The following MMS19 variants were observed in gnomAD, a reference collection of about 807,000 sequenced individuals.
The protein encoded by MMS19 is MMS19 nucleotide excision repair protein homolog.
Under a neutral mutation model 129.8 loss-of-function variants are expected in MMS19, and 77 were observed. The observed-to-expected ratio is 0.59, with a 90% CI of 0.49 to 0.72. The LOEUF (loss-of-function observed/expected upper bound fraction) is 0.72, where lower values mean the gene tolerates loss of function less well. Ranked by LOEUF, MMS19 falls within the 30% of genes least tolerant of loss-of-function variation. The pLI is 0.00. For missense variants in MMS19, 1,168 were observed against 1,266.3 expected (o/e 0.92, Z 1.18); for synonymous variants, 491 against 502.8 (o/e 0.98, Z 0.31).
At chr10:97,467,793 A>G (rs1323987285) in intron 13 of MMS19, among the ~76,000 whole-genome samples, 7 of 151,300 alleles carry the variant, frequency 4.6e-5, no homozygotes, top group Non-Finnish European at 8.8e-5. Flanking sequence ...CCTCTTGAGT[A>G]GCTGGGACTA....
chr10:97,483,798 A>AATCAACAACAGCTGATGGCC (rs1195677258), intron 2 of MMS19, among the ~76,000 whole-genome samples: 1 of 152,202 alleles, frequency 6.6e-6, no homozygotes, highest in Non-Finnish European at 1.5e-5. Context: ...TGCACAAAGG[A>AATCAACAACAGCTGATGGCC]ATCAACAACA....
intron 3 of MMS19, chr10:97,480,366 C>CA (rs1202464226): frequency 6.9e-6 from 3 of 437,012 alleles, no homozygotes; most frequent in Non-Finnish European, 9.0e-6. Context: ...TCCTTAAAAC[C>CA]AAAAAAACAA....
chr10:97,480,795 C>T, intron 3 of MMS19, 147 bp downstream of exon 3: 1 of 679,982 alleles, frequency 1.5e-6, no homozygotes, highest in Non-Finnish European at 2.7e-6. Context: ...ATCTCTGCCA[C>T]ATATACCAGT....
At chr10:97,491,106 C>T (rs935598548) in intron 1 of MMS19, among the ~76,000 whole-genome samples, 2 of 152,192 alleles carry the variant, frequency 1.3e-5, no homozygotes, top group South Asian at 4.1e-4. Context: ...GGCTATAGTA[C>T]AGAAAACTCT....
chr10:97,471,563 T>C lies in MMS19; in HGVS notation c.685-702A>G, dbSNP rs1220516590. ...TCTCACTCTGTCACCCATGCTGGAT[T>C]GCAGTGGCTTGATCCTAGCTCAGTG... is the stretch of plus-strand genomic sequence containing the variant. On this transcript the variant is annotated intron_variant, in intron 8 of 30. Coordinates refer to ENST00000438925, the MANE Select transcript of MMS19 (RefSeq NM_022362.5). 2.0e-5 allele frequency among the ~76,000 whole-genome samples: 3 copies of C among 152,160 alleles called. No individual in the cohort carries two copies. The East Asian group carries it at 5.8e-4, about 29-fold the overall frequency.
At chr10:97,460,791 T>G (rs372070885) in intron 24 of MMS19, 40 bp from the exon 25 acceptor site, 2 of 1,568,826 alleles carry the variant, frequency 1.3e-6, no homozygotes, top group East Asian at 4.6e-5. Context: ...GGAATGACAC[T>G]CAAACCCGAG....
chr10:97,477,261 A>G, intron 6 of MMS19, 86 bp downstream of exon 6: 1 of 1,607,488 alleles, frequency 6.2e-7, no homozygotes, highest in Non-Finnish European at 8.5e-7. Context: ...TCTTCTATAT[A>G]ACCCCAGGTA....
At position 97,480,951 on chromosome 10, in the gene MMS19, C is replaced by T; in HGVS notation, c.253G>A (p.Glu85Lys). The change falls in exon 3 of 31, where the codon GAG (glutamate) becomes AAG (lysine). Residue 85 changes from glutamate to lysine, a missense_variant. Physicochemically the swap from Glu to Lys is moderately conservative, Grantham distance 56. Coordinates refer to ENST00000438925, the MANE Select transcript of MMS19 (RefSeq NM_022362.5). ...VLLHCHTLLL[E>K]KEVVHLILFY... ...TTAGTGACACCAGTACCTTCCTTCTCCAGGAGCAAGGTGTGACAGTGGAGT... is the reference window on the plus strand; with the variant it reads ...TTAGTGACACCAGTACCTTCCTTCTTCAGGAGCAAGGTGTGACAGTGGAGT... 1 of 1,603,422 alleles carries T rather than the reference C, an allele frequency of 6.2e-7. No homozygotes were observed. Among genetic ancestry groups the T allele is most frequent in the Non-Finnish European group, 8.5e-7 (1 of 1,173,342 alleles).
At chr10:97,493,476 C>A (rs2039284529) in intron 1 of MMS19, among the ~76,000 whole-genome samples, 1 of 152,158 alleles carries the variant, frequency 6.6e-6, no homozygotes, top group South Asian at 2.1e-4. Context: ...GAGGCTGAGG[C>A]CAGAGGATCA....
chr10:97,465,086 T>A (rs2033135578), intron 18 of MMS19, among the ~76,000 whole-genome samples: 1 of 152,092 alleles, frequency 6.6e-6, no homozygotes, highest in African/African-American at 2.4e-5. Context: ...CTTGGCTCAC[T>A]GCAACCTCCG....
chr10:97,466,691 A>G, intron 15 of MMS19, 85 bp downstream of exon 15: 3 of 1,598,854 alleles, frequency 1.9e-6, no homozygotes, highest in South Asian at 1.1e-5. Flanking sequence ...TGCAGTAAGA[A>G]GAGGATAGTA....
chr10:97,466,716 C>T, intron 15 of MMS19, 60 bp downstream of exon 15: 2 of 1,610,448 alleles, frequency 1.2e-6, no homozygotes, highest in Non-Finnish European at 1.7e-6. Context: ...TGCTTTTCAC[C>T]AAGGCAGTCT....
intron 23 of MMS19, 45 bp downstream of exon 23, chr10:97,461,451 G>A: frequency 6.3e-7 from 1 of 1,595,594 alleles, no homozygotes. Context: ...AGATTTCATG[G>A]GTAGTTGATT....
At chr10:97,474,760 G>A (rs932408742) in intron 8 of MMS19, among the ~76,000 whole-genome samples, 1 of 152,092 alleles carries the variant, frequency 6.6e-6, no homozygotes, top group Non-Finnish European at 1.5e-5. Context: ...AATATTATCT[G>A]TAAGTTTATT....
At position 97,473,255 on chromosome 10, in the gene MMS19, C is replaced by T. The variant is rs189021370; in HGVS notation, c.685-2394G>A. Among the ~76,000 whole-genome samples, 15 of 151,856 alleles carry T rather than the reference C, an allele frequency of 9.9e-5. No individual in the cohort carries two copies. In the East Asian group the frequency reaches 2.1e-3, roughly 22 times the overall value. ...TCCACCATGTTGGTCAGGCTAGTCTCGAACTCCTGACCTCAAGTGATCCAC... is the reference window on the plus strand; with the variant it reads ...TCCACCATGTTGGTCAGGCTAGTCTTGAACTCCTGACCTCAAGTGATCCAC... On this transcript the variant is annotated intron_variant, in intron 8 of 30. Transcript: ENST00000438925.
chr10:97,463,812 A>G, intron 19 of MMS19, 46 bp downstream of exon 19: 2 of 1,576,744 alleles, frequency 1.3e-6, no homozygotes, highest in Non-Finnish European at 1.7e-6. Context: ...CAACACCAGC[A>G]GAGGGCAAAG....
rs1280391700 is a variant in MMS19 at position 97,461,007 on chromosome 10, C to T, written c.2312G>A (p.Gly771Glu). The T allele has an allele frequency of 6.4e-7, 1 of 1,553,594 alleles. No individual in the cohort carries two copies. The highest frequency in any genetic ancestry group is 1.2e-5 in the South Asian group (1 of 84,132). Residue 771 changes from glycine to glutamate, a missense_variant and splice_region_variant, in exon 24 of 31, where the codon GGG (glycine) becomes GAG (glutamate). Transcript: ENST00000438925. ...FAGLLNKHPA[G>E]QQLDEFLQLA... ...CTGTAGGAATTCATCCAGCTGCTGC[C>T]CTAAAAAGGAGAGAGGAAATGCTGA...
intron 15 of MMS19, 42 bp from the exon 16 acceptor site, chr10:97,466,627 G>A: frequency 1.3e-6 from 2 of 1,580,792 alleles, no homozygotes; most frequent in African/African-American, 1.3e-5. Context: ...TTCTTCCCCT[G>A]CAGCCATCAC....
intron 22 of MMS19, 25 bp downstream of exon 22, chr10:97,461,803 G>T: frequency 1.3e-6 from 2 of 1,599,496 alleles, no homozygotes; most frequent in Non-Finnish European, 1.7e-6. Flanking sequence ...TTAAATAACA[G>T]TACTTCCCAA....
Sources: gnomAD v4.1 joint callset for allele counts (sites outside exome capture counted in the v4.1 genomes callset) on GRCh38, gnomAD v4.1.1 for gene constraint, MANE v1.5 for transcripts, NCBI Gene and HGNC (gene_info 2026-07-23, HGNC 2026-07-21) for gene names.